The following SGCD variants were observed in gnomAD, a reference collection of about 807,000 sequenced individuals.
SGCD encodes the protein delta-sarcoglycan.
SGCD carries 18 observed loss-of-function variants against 36.6 expected under a neutral mutation model. That is an observed-to-expected ratio of 0.49 (90% confidence interval 0.34 to 0.73). SGCD has a LOEUF of 0.73. Ranked by LOEUF, SGCD falls within the 30% of genes least tolerant of loss-of-function variation. The pLI is 0.01. For missense variants in SGCD, 387 were observed against 346.7 expected (o/e 1.12, Z -0.92); for synonymous variants, 133 against 130.6 (o/e 1.02, Z -0.12).
At chr5:155,764,395 C>T in the SGCD span, among the ~76,000 whole-genome samples, 2 of 152,106 alleles carry the variant, frequency 1.3e-5, no homozygotes, top group African/African-American at 4.8e-5. Context: ...AACTGTGGCT[C>T]AGATAATTGA....
chr5:156,249,755 G>A (rs1581195166), intron 3 of SGCD, among the ~76,000 whole-genome samples: 1 of 150,192 alleles, frequency 6.7e-6, no homozygotes, highest in Admixed American at 6.6e-5. Context: ...CTCATTGCCT[G>A]CTACATACAA....
At chr5:155,871,099 T>A (rs1406068281) in intron 1 of SGCD, among the ~76,000 whole-genome samples, 1 of 151,906 alleles carries the variant, frequency 6.6e-6, no homozygotes, top group East Asian at 1.9e-4. Context: ...AGGTTTGGAG[T>A]CAGAGAGAGG....
chr5:156,631,119 C>G (rs1762615023), intron 6 of SGCD, among the ~76,000 whole-genome samples: 2 of 152,158 alleles, frequency 1.3e-5, no homozygotes, highest in East Asian at 1.9e-4. Context: ...GATGTCTAAT[C>G]TACTTACTGC....
chr5:156,207,072 G>A (rs1446440765), intron 3 of SGCD, among the ~76,000 whole-genome samples: 1 of 152,050 alleles, frequency 6.6e-6, no homozygotes, highest in Non-Finnish European at 1.5e-5. Flanking sequence ...AATGTTTTTA[G>A]AAAGGATGAT....
At chr5:156,050,151 C>T (rs886618826) in intron 1 of SGCD, among the ~76,000 whole-genome samples, 1 of 146,606 alleles carries the variant, frequency 6.8e-6, no homozygotes, top group African/African-American at 2.5e-5. Context: ...CAATCAGCAT[C>T]GCATGCCATA....
intron 2 of SGCD, among the ~76,000 whole-genome samples, 200 bp from the exon 3 acceptor site, chr5:156,344,289 G>C (rs1256642832): frequency 6.6e-6 from 1 of 152,190 alleles, no homozygotes; most frequent in African/African-American, 2.4e-5. Context: ...TCATGGCTGT[G>C]TTAAATGAGA....
At chr5:156,352,694 C>T (rs1339070807) in intron 3 of SGCD, among the ~76,000 whole-genome samples, 1 of 152,272 alleles carries the variant, frequency 6.6e-6, no homozygotes, top group Non-Finnish European at 1.5e-5. Context: ...CATAAAAACT[C>T]ATACAGGATT....
At chr5:156,539,971 C>G (rs1422282582) in intron 4 of SGCD, among the ~76,000 whole-genome samples, 1 of 152,116 alleles carries the variant, frequency 6.6e-6, no homozygotes, top group Non-Finnish European at 1.5e-5. Context: ...GAGTCAAAAA[C>G]CTTCTGAGCA....
At chr5:156,724,803 G>A (rs1377820927) in intron 7 of SGCD, among the ~76,000 whole-genome samples, 1 of 152,158 alleles carries the variant, frequency 6.6e-6, no homozygotes, top group Non-Finnish European at 1.5e-5. Context: ...ACACTGAAGA[G>A]ACAGAATCCC....
At chr5:156,208,997 G>A (rs910910623) in intron 3 of SGCD, among the ~76,000 whole-genome samples, 5 of 152,172 alleles carry the variant, frequency 3.3e-5, no homozygotes, top group African/African-American at 9.7e-5. Flanking sequence ...AGTACAGGCT[G>A]GAGAGAGATA....
chr5:156,288,701 A>G (rs1209146862), intron 3 of SGCD, among the ~76,000 whole-genome samples: 1 of 152,118 alleles, frequency 6.6e-6, no homozygotes, highest in African/African-American at 2.4e-5. Context: ...TTAAATAAAC[A>G]TGTCTTTAGT....
At chr5:156,481,822 G>A (rs1223879780) in intron 3 of SGCD, among the ~76,000 whole-genome samples, 3 of 152,176 alleles carry the variant, frequency 2.0e-5, no homozygotes, top group Admixed American at 1.3e-4. Flanking sequence ...GGAACCCAGG[G>A]CCAAGGATTT....
At chr5:156,317,758 G>A (rs1212785897) in intron 3 of SGCD, among the ~76,000 whole-genome samples, 2 of 152,156 alleles carry the variant, frequency 1.3e-5, no homozygotes, top group Admixed American at 6.5e-5. Context: ...TTTACGTTGA[G>A]CTCAAGTACT....
intron 6 of SGCD, among the ~76,000 whole-genome samples, chr5:156,603,542 T>C (rs377646086): frequency 2.4e-4 from 36 of 152,210 alleles, no homozygotes; most frequent in Admixed American, 1.9e-3. Context: ...TTTTTCGATA[T>C]AGGCATTCAT....
intron 7 of SGCD, among the ~76,000 whole-genome samples, chr5:156,672,122 T>C (rs561417948): frequency 6.6e-6 from 1 of 152,318 alleles, no homozygotes; most frequent in South Asian, 2.1e-4. Context: ...AATGTCAGAA[T>C]CTGTAGGTAT....
chr5:155,814,210 T>C, the SGCD span, among the ~76,000 whole-genome samples: 3 of 152,228 alleles, frequency 2.0e-5, no homozygotes, highest in African/African-American at 7.2e-5. Flanking sequence ...CTCTTGTTTC[T>C]AACATTACCT....
chr5:155,842,044 T>A, the SGCD span, among the ~76,000 whole-genome samples: 3 of 151,990 alleles, frequency 2.0e-5, no homozygotes, highest in African/African-American at 7.3e-5. Flanking sequence ...TGGGGAGAAA[T>A]GTCAGCTGCT....
At chr5:156,569,587 ATTTT>A (rs1359473939) in intron 4 of SGCD, among the ~76,000 whole-genome samples, 1 of 145,870 alleles carries the variant, frequency 6.9e-6, no homozygotes, top group African/African-American at 2.6e-5. Context: ...GTGCATATTG[ATTTT>A]TTGAGACCCT....
At chr5:156,529,485 G>T (rs1581122840) in intron 4 of SGCD, among the ~76,000 whole-genome samples, 3 of 136,308 alleles carry the variant, frequency 2.2e-5, no homozygotes, top group East Asian at 2.3e-4. Flanking sequence ...TAAAATCTTT[G>T]TTTTTCTTCA....
Sources: allele counts gnomAD v4.1 joint callset (sites outside exome capture counted in the v4.1 genomes callset), GRCh38; gene constraint gnomAD v4.1.1; transcripts MANE v1.5; gene names NCBI Gene and HGNC (gene_info 2026-07-23, HGNC 2026-07-21).